Variants in ATL3 observed in about 807,000 individuals in gnomAD.
ATL3 encodes the protein atlastin-3.
In ATL3, 49 loss-of-function variants were observed where a neutral mutation model predicts 69.5. The ratio of observed to expected loss-of-function variants is 0.71; its 90% CI spans 0.56 to 0.89. The LOEUF is 0.89. ATL3 is among the 40% of genes least tolerant of loss of function. ATL3 has a pLI of 0.00. For missense variants in ATL3, 606 were observed against 645.7 expected, an observed-to-expected ratio of 0.94 and a Z score of 0.67; for synonymous variants, 214 against 224.1, an observed-to-expected ratio of 0.95 and a Z score of 0.40.
At chr11:63,652,285 T>C (rs1409810812) in intron 4 of ATL3, among the ~76,000 whole-genome samples, 186 bp downstream of exon 4, 1 of 152,232 alleles carries the variant, frequency 6.6e-6, no homozygotes, top group African/African-American at 2.4e-5. Flanking sequence ...TATATAATTA[T>C]GACCAAAGAG....
chr11:63,658,136 G>T (rs756470902), intron 3 of ATL3, among the ~76,000 whole-genome samples: 2 of 152,166 alleles, frequency 1.3e-5, no homozygotes, highest in African/African-American at 2.4e-5. Flanking sequence ...TATTACAGAC[G>T]TGAGCCACAG....
At chr11:63,656,423 T>C (rs913175933) in intron 3 of ATL3, among the ~76,000 whole-genome samples, 1 of 151,580 alleles carries the variant, frequency 6.6e-6, no homozygotes, top group African/African-American at 2.4e-5. Flanking sequence ...AGAATAACAG[T>C]GTATTTCTTG....
intron 3 of ATL3, among the ~76,000 whole-genome samples, chr11:63,653,418 C>T (rs1940141530): frequency 6.6e-6 from 1 of 151,890 alleles, no homozygotes; most frequent in East Asian, 1.9e-4. Context: ...TGAGCCGAGA[C>T]CACACTACTG....
chr11:63,654,965 T>C (rs1940196581), intron 3 of ATL3, among the ~76,000 whole-genome samples: 1 of 152,134 alleles, frequency 6.6e-6, no homozygotes, highest in Non-Finnish European at 1.5e-5. Context: ...TTTTGATTGA[T>C]TTTTCTCCTC....
At chr11:63,660,496 C>CAAA (rs1244073957) in intron 1 of ATL3, among the ~76,000 whole-genome samples, 1 of 152,078 alleles carries the variant, frequency 6.6e-6, no homozygotes, top group Admixed American at 6.6e-5. Context: ...AAAGCCACTT[C>CAAA]AAAAAACTGT....
upstream of ATL3, chr11:63,671,553 C>T: frequency 1.4e-6 from 2 of 1,428,792 alleles, no homozygotes; most frequent in East Asian, 3.0e-5. Flanking sequence ...CAGGACGAGG[C>T]TAGGCGAGGC....
intron 5 of ATL3, among the ~76,000 whole-genome samples, chr11:63,651,630 C>T (rs1306668899): frequency 1.3e-5 from 2 of 152,166 alleles, no homozygotes; most frequent in Non-Finnish European, 2.9e-5. Flanking sequence ...CTTGATCTTG[C>T]CAAGCACACT....
intron 3 of ATL3, among the ~76,000 whole-genome samples, chr11:63,654,483 C>T (rs1940179403): frequency 6.6e-6 from 1 of 152,002 alleles, no homozygotes; most frequent in African/African-American, 2.4e-5. Context: ...CTGCAACCTC[C>T]ACCTCCCAGG....
chr11:63,659,809 A>C (rs1940366823), intron 1 of ATL3, among the ~76,000 whole-genome samples: 1 of 150,222 alleles, frequency 6.7e-6, no homozygotes, highest in Non-Finnish European at 1.5e-5. Flanking sequence ...GGTGGCACGC[A>C]CCTGTAAGTC....
chr11:63,654,599 C>T (rs1364195997), intron 3 of ATL3, among the ~76,000 whole-genome samples: 6 of 149,300 alleles, frequency 4.0e-5, no homozygotes, highest in Non-Finnish European at 8.9e-5. Flanking sequence ...GGTTTCACCA[C>T]GTTGGTCAGA....
intron 10 of ATL3, among the ~76,000 whole-genome samples, chr11:63,633,416 CTTTTT>C (rs1260632530): frequency 6.6e-6 from 1 of 150,756 alleles, no homozygotes; most frequent in African/African-American, 2.4e-5. Flanking sequence ...TTAAATTTTT[CTTTTT>C]TTTTAAGACA....
chr11:63,664,633 T>A (rs1373054940), intron 1 of ATL3, among the ~76,000 whole-genome samples: 2 of 151,664 alleles, frequency 1.3e-5, no homozygotes, highest in Non-Finnish European at 2.9e-5. Flanking sequence ...TTTTTGTTTT[T>A]TTTTTTTGAG....
intron 8 of ATL3, among the ~76,000 whole-genome samples, chr11:63,641,210 A>G (rs1939690947): frequency 6.6e-6 from 1 of 152,244 alleles, no homozygotes; most frequent in Non-Finnish European, 1.5e-5. Context: ...ACCAAATAGT[A>G]CATAATTATG....
chr11:63,640,916 T>C (rs1022288411), intron 8 of ATL3, among the ~76,000 whole-genome samples: 3 of 152,188 alleles, frequency 2.0e-5, no homozygotes, highest in Non-Finnish European at 4.4e-5. Context: ...TACATATTTT[T>C]ATCCACTTAT....
chr11:63,642,045 G>A (rs1282520601), intron 8 of ATL3, among the ~76,000 whole-genome samples: 1 of 152,128 alleles, frequency 6.6e-6, no homozygotes, highest in Non-Finnish European at 1.5e-5. Context: ...CAATAATGGA[G>A]CATTATAATC....
chr11:63,669,104 A>G (rs1940688540), intron 1 of ATL3, among the ~76,000 whole-genome samples: 1 of 150,540 alleles, frequency 6.6e-6, no homozygotes, highest in Non-Finnish European at 1.5e-5. Context: ...AAATGCTGGG[A>G]TTACAGGAGT....
intron 3 of ATL3, among the ~76,000 whole-genome samples, chr11:63,655,130 G>T (rs1482085009): frequency 2.6e-5 from 4 of 152,108 alleles, no homozygotes; most frequent in African/African-American, 7.2e-5. Flanking sequence ...GGAAACTCTG[G>T]TTTTTTCTGT....
chr11:63,650,907 A>G (rs1354010568), intron 5 of ATL3, among the ~76,000 whole-genome samples: 1 of 152,244 alleles, frequency 6.6e-6, no homozygotes, highest in Admixed American at 6.5e-5. Flanking sequence ...TGAAGTACAG[A>G]CAATTGCCAT....
chr11:63,632,128 ATTTT>A, intron 11 of ATL3: 2 of 350,732 alleles, frequency 5.7e-6, no homozygotes, highest in South Asian at 7.6e-5. Context: ...ACATGCTTTA[ATTTT>A]TTTTTTCTGG....
Sources: allele counts gnomAD v4.1 joint callset (sites outside exome capture counted in the v4.1 genomes callset), GRCh38; gene constraint gnomAD v4.1.1; transcripts MANE v1.5; gene names NCBI Gene and HGNC (gene_info 2026-07-23, HGNC 2026-07-21).